Variants in LAIR2 observed in about 807,000 individuals in gnomAD.
LAIR2 encodes leukocyte-associated immunoglobulin-like receptor 2.
A neutral mutation model predicts 14.8 loss-of-function variants in LAIR2; 14 were observed. The ratio of observed to expected loss-of-function variants is 0.95; its 90% CI spans 0.62 to 1.48. The LOEUF is 1.48. Ranked by LOEUF, LAIR2 falls within the 40% of genes most tolerant of loss-of-function variation. The pLI is 0.00. For missense variants in LAIR2, 172 were observed against 180.9 expected, an observed-to-expected ratio of 0.95 and a Z score of 0.28; for synonymous variants, 75 against 74.5, an observed-to-expected ratio of 1.01 and a Z score of -0.03.
chr19:54,509,843 C>T (rs2085437637), intron 4 of LAIR2, among the ~76,000 whole-genome samples: 1 of 151,628 alleles, frequency 6.6e-6, no homozygotes, highest in African/African-American at 2.4e-5. Flanking sequence ...TTGTCCATCT[C>T]CGCCTGTGAT....
chr19:54,507,942 C>T lies in LAIR2; in HGVS notation c.122C>T (p.Pro41Leu), dbSNP rs201955061. Residue 41 changes from proline (P) to leucine (L), a missense_variant, in exon 3 of 5, where the codon CCG becomes CTG. Pro to Leu is a moderately conservative substitution (Grantham distance 98). Around this residue, in one of 2 missense-constraint regions of LAIR2, gnomAD observed 161 missense variants for 149.0 expected, o/e 1.08. Transcript: ENST00000301202. ...ISAEPGTVIS[P>L]GSHVTFMCRG... ...GCTGAGCCAGGCACTGTGATCTCCC[C>T]GGGGAGCCATGTGACTTTCATGTGC... 213 of 1,614,006 alleles carry T rather than the reference C, an allele frequency of 1.3e-4. No homozygotes were observed. In the Middle Eastern group the frequency reaches 2.0e-3, roughly 15 times the overall value.
rs2085392064 is a variant in LAIR2, at chr19:54,507,889, AGG to A, written c.72_73del (p.Ala25ProfsTer9). The A allele has an allele frequency of 6.2e-7, 1 of 1,612,518 alleles. No individual in the cohort carries two copies. Among genetic ancestry groups the A allele is most frequent in the African/African-American group, 1.3e-5 (1 of 74,820 alleles). On this transcript the variant is annotated splice_acceptor_variant and coding_sequence_variant, in exon 3 of 5. Coordinates refer to ENST00000301202, the MANE Select transcript of LAIR2 (RefSeq NM_002288.6). LOFTEE classifies it high-confidence loss of function. ...TGAGATCCTTCTTTGCTTCCCTCTT[AGG>A]GGCCCTTCCCAGACCCTCCATCTCG...
chr19:54,503,461 A>ACAT (rs1301318209), intron 1 of LAIR2, among the ~76,000 whole-genome samples: 3 of 151,020 alleles, frequency 2.0e-5, no homozygotes, highest in Non-Finnish European at 4.4e-5. Flanking sequence ...TCCGTCTCCA[A>ACAT]CAACACCAAA....
At chr19:54,503,388 G>A (rs2085309240) in intron 1 of LAIR2, among the ~76,000 whole-genome samples, 1 of 152,072 alleles carries the variant, frequency 6.6e-6, no homozygotes, top group Non-Finnish European at 1.5e-5. Flanking sequence ...AACCCGGGAG[G>A]TGGAGGTTGC....
chr19:54,506,941 C>A (rs2085374404), intron 2 of LAIR2, among the ~76,000 whole-genome samples: 1 of 152,090 alleles, frequency 6.6e-6, no homozygotes, highest in African/African-American at 2.4e-5. Context: ...CTCACCACAA[C>A]AATTAACTAC....
intron 2 of LAIR2, among the ~76,000 whole-genome samples, chr19:54,505,550 C>T (rs1227208456): frequency 2.0e-5 from 3 of 152,162 alleles, no homozygotes; most frequent in East Asian, 1.9e-4. Flanking sequence ...ACAACCATGA[C>T]CATTGTACTT....
chr19:54,506,398 A>G (rs1336565565), intron 2 of LAIR2, among the ~76,000 whole-genome samples: 1 of 150,464 alleles, frequency 6.6e-6, no homozygotes, highest in Non-Finnish European at 1.5e-5. Context: ...CTCCTCTCTA[A>G]CTAAAACCTT....
chr19:54,508,025 A>G lies in LAIR2; in HGVS notation c.205A>G (p.Lys69Glu). 3 of 1,614,180 alleles carry G rather than the reference A, an allele frequency of 1.9e-6. No individual in the cohort carries two copies. The highest frequency in any genetic ancestry group is 2.5e-6 in the Non-Finnish European group (3 of 1,180,030). Residue 69 changes from lysine to glutamate, a missense_variant, in exon 3 of 5, where the codon AAA becomes GAA. By Grantham distance (56) the Lys-to-Glu change is moderately conservative. Coordinates refer to ENST00000301202, the MANE Select transcript of LAIR2 (RefSeq NM_002288.6). ...RLEREDRAKY[K>E]DSYNVFRLGP... ...GGAGAGGGAGGATAGAGCCAAGTAC[A>G]AAGATAGTTATAATGTGTTTCGACT...
intron 2 of LAIR2, among the ~76,000 whole-genome samples, chr19:54,507,252 A>G (rs369329279): frequency 0.023 from 2,901 of 127,820 alleles, 55 homozygotes; most frequent in Middle Eastern, 0.048. Flanking sequence ...ATGCAAATTA[A>G]GCTGAGAAGA....
chr19:54,506,116 C>A (rs188795641), intron 2 of LAIR2, among the ~76,000 whole-genome samples: 98 of 152,164 alleles, frequency 6.4e-4, no homozygotes, highest in African/African-American at 2.3e-3. Context: ...TGAGACACCG[C>A]GCCTGGTCTG....
At position 54,508,149 on chromosome 19, in the gene LAIR2, C is replaced by T; in HGVS notation, c.329C>T (p.Ser110Phe). The T allele has an allele frequency of 6.2e-7, 1 of 1,613,686 alleles. No individual in the cohort carries two copies. Among genetic ancestry groups the T allele is most frequent in the South Asian group, 1.1e-5 (1 of 91,056 alleles). The part of the protein sequence containing the change: ...RCLYYKPPGW[S>F]EHSDFLELLV... ...CTCTATTATAAGCCCCCTGGATGGT[C>T]TGAGCACAGTGACTTCCTGGAGCTG... Residue 110 changes from serine to phenylalanine, a missense_variant, in exon 3 of 5, where the codon TCT (serine) becomes TTT (phenylalanine). Physicochemically the swap from Ser to Phe is radical, Grantham distance 155. Around this residue, in one of 2 missense-constraint regions of LAIR2, gnomAD observed 161 missense variants for 149.0 expected, o/e 1.08. Transcript: ENST00000301202.
intron 2 of LAIR2, among the ~76,000 whole-genome samples, chr19:54,504,459 A>G (rs1014410548): frequency 2.6e-5 from 4 of 152,210 alleles, no homozygotes; most frequent in South Asian, 4.1e-4. Context: ...ATTATTAACT[A>G]TAGTCAGCCT....
rs1025797029 is a variant in LAIR2, at chr19:54,503,064, T to TC, written c.34+118dup. On this transcript the variant is annotated intron_variant, in intron 1 of 4. Transcript: ENST00000301202. ...GATTCTGGGGAGGAAAGTGTCCTCCTCCCCCCAAGACTGCCCTACTGCTCT... is the reference window on the plus strand; with the variant it reads ...GATTCTGGGGAGGAAAGTGTCCTCCTCCCCCCCAAGACTGCCCTACTGCTCT... 365 of 1,040,038 alleles carry TC rather than the reference T, an allele frequency of 3.5e-4. 2 individuals carry two copies. In the African/African-American group the frequency reaches 5.4e-3, roughly 15 times the overall value. 64.4% of individuals were successfully genotyped at this position (1,040,038 alleles called of 1,614,324 possible).
chr19:54,506,067 C>A (rs11670906), intron 2 of LAIR2, among the ~76,000 whole-genome samples: 1 of 152,046 alleles, frequency 6.6e-6, no homozygotes, highest in South Asian at 2.1e-4. Context: ...TCAGGTGAGC[C>A]GCCCACCTCG....
intron 2 of LAIR2, among the ~76,000 whole-genome samples, chr19:54,506,936 CACA>C (rs757641917): frequency 4.0e-4 from 61 of 152,132 alleles, no homozygotes; most frequent in Non-Finnish European, 7.5e-4. Context: ...ATGTTCTCAC[CACA>C]ACAATTAACT....
chr19:54,504,099 G>A (rs888367521), intron 2 of LAIR2, among the ~76,000 whole-genome samples: 12 of 150,120 alleles, frequency 8.0e-5, no homozygotes, highest in Non-Finnish European at 1.6e-4. Context: ...TGGGATTACA[G>A]GCACCCACCA....
Position 54,510,541 on chromosome 19 carries a change from C to T in LAIR2, c.431C>T (p.Thr144Ile), listed in dbSNP as rs562511626. Reference protein sequence around the residue: ...PGSSAGTVPGTEASGFDAP With the variant: ...PGSSAGTVPGIEASGFDAP ...GTCCTCACAGGGACTGTGCCAGGCACTGAAGCCTCCGGATTTGATGCACCA... is the reference window on the plus strand; with the variant it reads ...GTCCTCACAGGGACTGTGCCAGGCATTGAAGCCTCCGGATTTGATGCACCA... The change falls in exon 5 of 5, where the codon ACT (threonine) becomes ATT (isoleucine). Residue 144 changes from threonine to isoleucine, a missense_variant. By Grantham distance (89) the Thr-to-Ile change is moderately conservative. Around this residue, in one of 2 missense-constraint regions of LAIR2, gnomAD observed 11 missense variants for 31.9 expected, o/e 0.34. Coordinates refer to ENST00000301202, the MANE Select transcript of LAIR2 (RefSeq NM_002288.6). 18 of 1,613,498 alleles carry T rather than the reference C, an allele frequency of 1.1e-5. No homozygotes were observed. The highest frequency in any genetic ancestry group is 1.4e-5 in the Non-Finnish European group (16 of 1,179,632).
At chr19:54,508,651 G>C in intron 3 of LAIR2, among the ~76,000 whole-genome samples, 1 of 152,252 alleles carries the variant, frequency 6.6e-6, no homozygotes, top group Non-Finnish European at 1.5e-5. Context: ...GATGGCCCCT[G>C]ACCAGGGCGG....
At chr19:54,505,661 A>G (rs2085352591) in intron 2 of LAIR2, among the ~76,000 whole-genome samples, 1 of 152,114 alleles carries the variant, frequency 6.6e-6, no homozygotes, top group Non-Finnish European at 1.5e-5. Flanking sequence ...TTCAGATAGA[A>G]TCAACCCAGG....
Sources: allele counts gnomAD v4.1 joint callset (sites outside exome capture counted in the v4.1 genomes callset), GRCh38; gene constraint gnomAD v4.1.1; regional missense constraint gnomAD v4.1.1; transcripts MANE v1.5; gene names NCBI Gene and HGNC (gene_info 2026-07-23, HGNC 2026-07-21).